NAV3: variants seen among roughly 807,000 people sequenced by gnomAD.
The protein encoded by NAV3 is pore membrane and/or filament interacting like protein 1.
NAV3 carries 87 observed loss-of-function variants against 244.7 expected under a neutral mutation model. The observed-to-expected ratio is 0.36, with a 90% CI of 0.30 to 0.42. The LOEUF (loss-of-function observed/expected upper bound fraction) is 0.42, where lower values mean the gene tolerates loss of function less well. Ranked by LOEUF, NAV3 falls within the 20% of genes least tolerant of loss-of-function variation. The probability of loss-of-function intolerance (pLI) is 1.00; values close to 1 mark genes in which losing one functional copy is unlikely to be tolerated. For synonymous variants in NAV3, 1,126 were observed against 1,042.2 expected, an observed-to-expected ratio of 1.08 and a Z score of -1.55; for missense variants, 2,663 against 2,893.3, an observed-to-expected ratio of 0.92 and a Z score of 1.83.
At chr12:77,983,608 G>C (rs1869955864) in intron 5 of NAV3, among the ~76,000 whole-genome samples, 1 of 152,070 alleles carries the variant, frequency 6.6e-6, no homozygotes. Flanking sequence ...GCTTAGCTAT[G>C]TTTTATTGAT....
chr12:77,870,426 A>G (rs1246955593), intron 1 of NAV3, among the ~76,000 whole-genome samples: 1 of 152,100 alleles, frequency 6.6e-6, no homozygotes, highest in Non-Finnish European at 1.5e-5. Context: ...TCAAGCAAGA[A>G]TATATAGGGG....
At chr12:77,770,835 T>C (rs558526659) in intron 2 of NAV3, among the ~76,000 whole-genome samples, 99 of 152,296 alleles carry the variant, frequency 6.5e-4, no homozygotes, top group African/African-American at 2.3e-3. Flanking sequence ...GGCAATACCA[T>C]TCAGGAAATA....
chr12:77,841,434 T>C (rs774644382), intron 1 of NAV3, among the ~76,000 whole-genome samples: 7 of 152,208 alleles, frequency 4.6e-5, no homozygotes, highest in Non-Finnish European at 7.3e-5. Context: ...CAAAATGGCA[T>C]TGCACTAGTT....
At chr12:77,966,116 G>A (rs1892489066) in intron 3 of NAV3, 113 bp from the exon 4 acceptor site, 1 of 900,534 alleles carries the variant, frequency 1.1e-6, no homozygotes. Context: ...CTTCTAGTAT[G>A]AAATGAATGT....
intron 1 of NAV3, among the ~76,000 whole-genome samples, chr12:77,851,385 A>G (rs1262252544): frequency 6.6e-6 from 1 of 152,166 alleles, no homozygotes; most frequent in African/African-American, 2.4e-5. Flanking sequence ...CTTGCACCCT[A>G]TGCATTGTGG....
intron 2 of NAV3, among the ~76,000 whole-genome samples, chr12:77,701,659 C>T (rs1195135775): frequency 1.3e-5 from 2 of 151,952 alleles, no homozygotes; most frequent in African/African-American, 4.8e-5. Flanking sequence ...CTGCACCTCA[C>T]TAATTTTGAT....
chr12:77,707,137 C>T (rs940460608), intron 2 of NAV3, among the ~76,000 whole-genome samples: 8 of 150,966 alleles, frequency 5.3e-5, no homozygotes, highest in Non-Finnish European at 8.8e-5. Context: ...TATACATGTG[C>T]CATGTTGGTG....
intron 2 of NAV3, among the ~76,000 whole-genome samples, chr12:77,765,537 T>G (rs963582786): frequency 1.3e-5 from 2 of 152,184 alleles, no homozygotes; most frequent in Non-Finnish European, 2.9e-5. Context: ...AAGGTGATTT[T>G]TAAGCTATTT....
chr12:78,067,203 TTAGTA>T (rs1229708825), intron 12 of NAV3, among the ~76,000 whole-genome samples: 1 of 152,132 alleles, frequency 6.6e-6, no homozygotes, highest in East Asian at 1.9e-4. Flanking sequence ...AATCACAGAA[TTAGTA>T]TACTCCCATG....
At chr12:77,674,898 T>C (rs1874141541) in intron 2 of NAV3, among the ~76,000 whole-genome samples, 1 of 152,226 alleles carries the variant, frequency 6.6e-6, no homozygotes, top group Non-Finnish European at 1.5e-5. Flanking sequence ...AAATATTCTG[T>C]ATTTGTATTT....
rs558083245 is a variant in NAV3 at position 77,648,717 on chromosome 12, A to G, written c.72+76451A>G. ...ATTTGCTTGACTTTTGCCTCATGTG[A>G]AAGAGTAGGGCTCAAGAGGTCTTTT... On this transcript the variant is annotated intron_variant, in intron 2 of 8. Transcript: ENST00000550042. 1.1e-4 allele frequency among the ~76,000 whole-genome samples: 17 copies of G among 152,238 alleles called. No homozygotes were observed. The South Asian group carries it at 1.5e-3, about 13-fold the overall frequency.
chr12:77,674,433 A>G (rs978347321), intron 2 of NAV3, among the ~76,000 whole-genome samples: 1 of 152,108 alleles, frequency 6.6e-6, no homozygotes, highest in African/African-American at 2.4e-5. Context: ...TTGCCCTTGA[A>G]GTGCATTGGC....
At chr12:78,085,911 C>G (rs551519381) in intron 12 of NAV3, among the ~76,000 whole-genome samples, 1 of 152,208 alleles carries the variant, frequency 6.6e-6, no homozygotes, top group Admixed American at 6.5e-5. Context: ...GTCATCCAGA[C>G]TCATTCAGCA....
intron 3 of NAV3, among the ~76,000 whole-genome samples, chr12:77,943,038 A>G (rs1371494284): frequency 6.6e-6 from 1 of 152,198 alleles, no homozygotes; most frequent in African/African-American, 2.4e-5. Flanking sequence ...GATTACAGAG[A>G]ATTCAATAAA....
At chr12:77,659,675 G>A (rs535190359) in intron 2 of NAV3, among the ~76,000 whole-genome samples, 15 of 152,206 alleles carry the variant, frequency 9.9e-5, no homozygotes, top group African/African-American at 3.4e-4. Context: ...GTTTATTGCG[G>A]CACTATTCAC....
chr12:78,141,766 GA>G (rs535158030), intron 20 of NAV3, among the ~76,000 whole-genome samples: 3 of 151,970 alleles, frequency 2.0e-5, no homozygotes, highest in African/African-American at 4.8e-5. Flanking sequence ...AAACACACAT[GA>G]AAAAAACACA....
chr12:77,716,484 A>C (rs956692890), intron 2 of NAV3, among the ~76,000 whole-genome samples: 3 of 151,942 alleles, frequency 2.0e-5, no homozygotes, highest in African/African-American at 7.2e-5. Flanking sequence ...TTCATGTTTT[A>C]TGAAAAAAAT....
At chr12:78,018,327 G>T (rs987220710) in intron 8 of NAV3, among the ~76,000 whole-genome samples, 1 of 152,162 alleles carries the variant, frequency 6.6e-6, no homozygotes, top group Non-Finnish European at 1.5e-5. Context: ...CAGACAGGGG[G>T]AATGGGAACT....
chr12:77,904,765 C>G (rs1053604711), intron 1 of NAV3, among the ~76,000 whole-genome samples: 4 of 152,054 alleles, frequency 2.6e-5, no homozygotes, highest in African/African-American at 9.7e-5. Flanking sequence ...GAACTACTGC[C>G]AGATTCACTT....
Sources: gnomAD v4.1 joint callset for allele counts (sites outside exome capture counted in the v4.1 genomes callset) on GRCh38, gnomAD v4.1.1 for gene constraint, MANE v1.5 for transcripts, NCBI Gene and HGNC (gene_info 2026-07-23, HGNC 2026-07-21) for gene names.